PIEZO2: variants seen among roughly 807,000 people sequenced by gnomAD.
PIEZO2 encodes the protein piezo type mechanosensitive ion channel component 2, also known as piezo-type mechanosensitive ion channel component 2.
A neutral mutation model predicts 337.3 loss-of-function variants in PIEZO2; 172 were observed. That is an observed-to-expected ratio of 0.51 (90% CI 0.45 to 0.58). The LOEUF (loss-of-function observed/expected upper bound fraction) is 0.58, where lower values mean the gene tolerates loss of function less well. Among genes scored for constraint, PIEZO2 ranks in the 20% least tolerant of loss-of-function variants. PIEZO2 has a pLI of 0.00. For missense variants in PIEZO2, 3,028 were observed against 3,391.3 expected, an observed-to-expected ratio of 0.89 and a Z score of 2.66; for synonymous variants, 1,251 against 1,228.5, an observed-to-expected ratio of 1.02 and a Z score of -0.38.
chr18:10,689,889 T>A, intron 48 of PIEZO2, 87 bp from the exon 49 acceptor site: 1 of 1,458,868 alleles, frequency 6.9e-7, no homozygotes, highest in Non-Finnish European at 9.2e-7. Context: ...GTTCCTTAAC[T>A]GCTTTAACCT....
In PIEZO2 at chr18:10,752,796, G is replaced by A; in HGVS notation, c.4007C>T (p.Thr1336Ile). The A allele has an allele frequency of 6.5e-7, 1 of 1,537,182 alleles. No homozygotes were observed. The highest frequency in any genetic ancestry group is 8.7e-7 in the Non-Finnish European group (1 of 1,146,910). Residue 1336 changes from threonine (T) to isoleucine (I), a missense_variant, in exon 28 of 56, where the codon ACC becomes ATC. By Grantham distance (89) the Thr-to-Ile change is moderately conservative (BLOSUM62 -1). This residue lies in a region of PIEZO2 where 1,925 missense variants were observed against 2,051.9 expected (regional missense o/e 0.94). Transcript: ENST00000674853. The stretch of plus-strand genomic sequence containing the variant: ...CCCCATGCAAAAGATGCTGATCCTG[G>A]TGGTCCCAGTGATGAAGATGATGGT... Reference protein sequence around the residue: ...VLTIIFITGTTRISIFCMGYL... With the variant: ...VLTIIFITGTIRISIFCMGYL...
At chr18:10,721,891 C>A (rs28722727) in intron 36 of PIEZO2, among the ~76,000 whole-genome samples, 6,962 of 152,202 alleles carry the variant, frequency 0.046, 523 homozygotes, top group African/African-American at 0.16. Context: ...TGCGGTGGCT[C>A]ATGCCTGTAA....
At chr18:10,706,622 C>T (rs1485449556) in intron 40 of PIEZO2, among the ~76,000 whole-genome samples, 1 of 152,230 alleles carries the variant, frequency 6.6e-6, no homozygotes, top group East Asian at 1.9e-4. Flanking sequence ...CTTTGGCATT[C>T]TGTTCTTTTC....
intron 1 of PIEZO2, among the ~76,000 whole-genome samples, chr18:11,144,797 C>G (rs915899191): frequency 6.6e-6 from 1 of 152,172 alleles, no homozygotes; most frequent in East Asian, 1.9e-4. Flanking sequence ...GCCATGATCT[C>G]TAATCCCCTG....
intron 34 of PIEZO2, among the ~76,000 whole-genome samples, chr18:10,735,640 C>T (rs73387100): frequency 0.015 from 2,267 of 152,170 alleles, 54 homozygotes; most frequent in African/African-American, 0.043. Context: ...TTTGATAAGC[C>T]AGCTGCAAAC....
intron 1 of PIEZO2, among the ~76,000 whole-genome samples, chr18:11,106,591 T>G (rs546463914): frequency 6.6e-6 from 1 of 151,944 alleles, no homozygotes; most frequent in East Asian, 1.9e-4. Flanking sequence ...TTTTTTAATT[T>G]TTAGTAAAGA....
chr18:11,020,641 C>T (rs949614624), intron 2 of PIEZO2, among the ~76,000 whole-genome samples: 4 of 152,126 alleles, frequency 2.6e-5, no homozygotes, highest in Admixed American at 2.6e-4. Context: ...ATGAAAATTA[C>T]ATGCCACTAG....
chr18:10,701,359 A>C (rs2035322753), intron 43 of PIEZO2, among the ~76,000 whole-genome samples: 1 of 152,274 alleles, frequency 6.6e-6, no homozygotes, highest in Non-Finnish European at 1.5e-5. Flanking sequence ...GGAGTCCCTG[A>C]GGCTGAGGCA....
In PIEZO2 at chr18:11,080,065, G is replaced by C. The variant is rs2038684458; in HGVS notation, c.65-13843C>G. Among the ~76,000 whole-genome samples, 1 of 152,058 alleles carries C rather than the reference G, an allele frequency of 6.6e-6. No homozygotes were observed. The highest frequency in any genetic ancestry group is 2.4e-5 in the African/African-American group (1 of 41,408). ...ACTGTCCAGTGTCAAGGAAAAACTGGGAACTAATCCCAGTCAGGCTGTCTC... is the reference window on the plus strand; with the variant it reads ...ACTGTCCAGTGTCAAGGAAAAACTGCGAACTAATCCCAGTCAGGCTGTCTC... On this transcript the variant is annotated intron_variant, in intron 1 of 55. Coordinates refer to ENST00000674853, the MANE Select transcript of PIEZO2 (RefSeq NM_001378183.1). The surrounding 1 kb of genome is among the most constrained non-coding windows in gnomAD (Gnocchi z 5.4).
intron 3 of PIEZO2, among the ~76,000 whole-genome samples, chr18:10,959,168 C>T (rs2033663045): frequency 6.6e-6 from 1 of 152,122 alleles, no homozygotes; most frequent in African/African-American, 2.4e-5. Flanking sequence ...AATTTTTACA[C>T]TAGTAACTAA....
chr18:10,951,969 T>G (rs376880148), intron 3 of PIEZO2, among the ~76,000 whole-genome samples: 5 of 152,370 alleles, frequency 3.3e-5, no homozygotes, highest in East Asian at 1.9e-4. Flanking sequence ...TAATTATAAC[T>G]GTACTTTGTC....
intron 1 of PIEZO2, among the ~76,000 whole-genome samples, chr18:11,118,841 C>T (rs758472017): frequency 1.3e-4 from 19 of 151,862 alleles, no homozygotes; most frequent in South Asian, 4.2e-4. Flanking sequence ...TCTTAGATAA[C>T]GGTTGCAGAC....
rs971528254 is a variant in PIEZO2, at chr18:11,028,578, T to C, written c.160+37549A>G. Among the ~76,000 whole-genome samples, 1 of 152,204 alleles carries C rather than the reference T, an allele frequency of 6.6e-6. No homozygotes were observed. Among genetic ancestry groups the C allele is most frequent in the African/African-American group, 2.4e-5 (1 of 41,456 alleles). On this transcript the variant is annotated intron_variant, in intron 2 of 55. Transcript: ENST00000674853. This position sits in a 1 kb window ranked among gnomAD's most constrained non-coding sequence, Gnocchi z 4.8. The stretch of plus-strand genomic sequence containing the variant: ...ACCCAGTCTATACGTGGCCATCTTA[T>C]ATGGTCATTGACACTGTCCTTCAGC...
At position 10,715,790 on chromosome 18, in the gene PIEZO2, T is replaced by C; in HGVS notation, c.5116A>G (p.Ile1706Val). 6.5e-7 allele frequency: 1 copy of C among 1,532,130 alleles called. No individual in the cohort carries two copies. The highest frequency in any genetic ancestry group is 8.7e-7 in the Non-Finnish European group (1 of 1,143,194). 94.9% of individuals were successfully genotyped at this position (1,532,130 alleles called of 1,614,324 possible). A position where few individuals can be genotyped will look rare whatever the true frequency, so the allele number is the denominator to read the frequency against. The change falls in exon 38 of 56, where the codon ATT (isoleucine) becomes GTT (valine). Residue 1706 changes from isoleucine (I) to valine (V), a missense_variant. Coordinates refer to ENST00000674853, the MANE Select transcript of PIEZO2 (RefSeq NM_001378183.1). ...PDNIIKRIFN[I>V]LKFTWVLFLA... is the part of the protein sequence containing the mutation. ...AATAGGACCCAGGTAAATTTCAAAA[T>C]ATTAAATATCCTCTTGATGATATTA...
Position 11,002,242 on chromosome 18 carries a change from G to A in PIEZO2, c.161-22582C>T, listed in dbSNP as rs948501229. On this transcript the variant is annotated intron_variant, in intron 2 of 55. Coordinates refer to ENST00000674853, the MANE Select transcript of PIEZO2 (RefSeq NM_001378183.1). The surrounding 1 kb of genome is among the most constrained non-coding windows in gnomAD (Gnocchi z 4.3). ...TTGATTTTTTCAACCATTTACATTC[G>A]CTCCTAGGTCATACAAAATACAGCA... 6.6e-6 allele frequency among the ~76,000 whole-genome samples: 1 copy of A among 151,932 alleles called. No individual in the cohort carries two copies. Among genetic ancestry groups the A allele is most frequent in the African/African-American group, 2.4e-5 (1 of 41,348 alleles).
In PIEZO2 at chr18:10,859,382, C is replaced by T. The variant is rs993807571; in HGVS notation, c.493-2171G>A. On this transcript the variant is annotated intron_variant, in intron 5 of 55. Transcript: ENST00000674853. The surrounding 1 kb of genome is among the most constrained non-coding windows in gnomAD (Gnocchi z 4.9). Reference sequence around the variant, plus strand: ...CCAGAGAGGAGCTGCCAGCTCCAGCCAGTACATCAGACCACTCACCTGCAG... The same window carrying T: ...CCAGAGAGGAGCTGCCAGCTCCAGCTAGTACATCAGACCACTCACCTGCAG... 6.6e-6 allele frequency among the ~76,000 whole-genome samples: 1 copy of T among 152,192 alleles called. No homozygotes were observed. Among genetic ancestry groups the T allele is most frequent in the Non-Finnish European group, 1.5e-5 (1 of 68,014 alleles).
Position 10,973,770 on chromosome 18 carries a change from A to C in PIEZO2, c.286+5765T>G, listed in dbSNP as rs2034334153. The stretch of plus-strand genomic sequence containing the variant: ...CTCCTCACTGATCAGCTATCAGAAG[A>C]AAGCAGGCAGCCAAGAGTGGTTTCA... On this transcript the variant is annotated intron_variant, in intron 3 of 55. Coordinates refer to ENST00000674853, the MANE Select transcript of PIEZO2 (RefSeq NM_001378183.1). This position sits in a 1 kb window ranked among gnomAD's most constrained non-coding sequence, Gnocchi z 4.9. 6.6e-6 allele frequency among the ~76,000 whole-genome samples: 1 copy of C among 152,214 alleles called. No homozygotes were observed. Among genetic ancestry groups the C allele is most frequent in the South Asian group, 2.1e-4 (1 of 4,826 alleles).
chr18:10,696,923 C>T (rs1271019092), intron 45 of PIEZO2, among the ~76,000 whole-genome samples: 2 of 152,148 alleles, frequency 1.3e-5, no homozygotes, highest in East Asian at 3.9e-4. Context: ...ATCTGTAAAA[C>T]TGGAGTGATG....
At chr18:10,939,743 A>G (rs2032619366) in intron 3 of PIEZO2, among the ~76,000 whole-genome samples, 1 of 152,072 alleles carries the variant, frequency 6.6e-6, no homozygotes, top group South Asian at 2.1e-4. Context: ...CAGGGAGGGG[A>G]ACAGCACACA....
Sources: allele counts gnomAD v4.1 joint callset (sites outside exome capture counted in the v4.1 genomes callset), GRCh38; gene constraint gnomAD v4.1.1; regional missense constraint gnomAD v4.1.1; non-coding constraint Gnocchi (gnomAD v3.1); transcripts MANE v1.5; gene names NCBI Gene and HGNC (gene_info 2026-07-23, HGNC 2026-07-21).